Variants in CHPT1 observed in about 807,000 individuals in gnomAD.
CHPT1 encodes the protein choline phosphotransferase 1, also known as cholinephosphotransferase 1.
A neutral mutation model predicts 47.6 loss-of-function variants in CHPT1; 36 were observed. That is an observed-to-expected ratio of 0.76 (90% CI 0.58 to 1.00). CHPT1 has a LOEUF of 1.00. Among genes scored for constraint, CHPT1 ranks in the 50% least tolerant of loss-of-function variants. The pLI is 0.00. For synonymous variants in CHPT1, 194 were observed against 186.3 expected, an observed-to-expected ratio of 1.04 and a Z score of -0.33; for missense variants, 458 against 498.1, an observed-to-expected ratio of 0.92 and a Z score of 0.77.
intron 1 of CHPT1, among the ~76,000 whole-genome samples, chr12:101,699,680 C>T (rs906356857): frequency 6.6e-6 from 1 of 152,162 alleles, no homozygotes; most frequent in Admixed American, 6.5e-5. Flanking sequence ...TGAGCCACTG[C>T]GCCAGGCTTA....
chr12:101,714,775 T>C, intron 3 of CHPT1, 130 bp downstream of exon 3: 1 of 834,264 alleles, frequency 1.2e-6, no homozygotes, highest in Non-Finnish European at 1.7e-6. Context: ...GTCGGAGTAC[T>C]CATAAATGCT....
At chr12:101,714,005 T>C in intron 1 of CHPT1, 85 bp from the exon 2 acceptor site, 1 of 803,566 alleles carries the variant, frequency 1.2e-6, no homozygotes, top group East Asian at 2.6e-5. Flanking sequence ...CACGGGGTGC[T>C]ACAAAGTGTG....
At chr12:101,700,948 A>G (rs10860774) in intron 1 of CHPT1, among the ~76,000 whole-genome samples, 96,434 of 152,046 alleles carry the variant, frequency 0.63, 31,645 homozygotes, top group East Asian at 0.9. Flanking sequence ...TTCCAGAAAG[A>G]GTCAGCAAAA....
intron 8 of CHPT1, chr12:101,727,606 T>C (rs1951990892): frequency 6.6e-6 from 1 of 152,084 alleles, no homozygotes; most frequent in Non-Finnish European, 1.5e-5. Flanking sequence ...AAAAACATAC[T>C]TATGGGAATT....
intron 1 of CHPT1, among the ~76,000 whole-genome samples, chr12:101,702,880 C>G (rs1050217789): frequency 9.9e-5 from 15 of 151,964 alleles, no homozygotes; most frequent in African/African-American, 3.4e-4. Flanking sequence ...TTTAAGGAGG[C>G]CTTTGCAGGA....
intron 1 of CHPT1, among the ~76,000 whole-genome samples, chr12:101,707,337 T>C (rs577984791): frequency 6.6e-6 from 1 of 152,340 alleles, no homozygotes; most frequent in Admixed American, 6.5e-5. Flanking sequence ...AGAGTTATGC[T>C]GCAAAGAGAC....
intron 4 of CHPT1, chr12:101,719,802 A>G: frequency 4.3e-6 from 1 of 232,742 alleles, no homozygotes; most frequent in Non-Finnish European, 8.5e-6. Context: ...AAAAAAAGTC[A>G]CTTTAGGCTG....
At chr12:101,706,089 T>A (rs1334031883) in intron 1 of CHPT1, among the ~76,000 whole-genome samples, 1 of 151,952 alleles carries the variant, frequency 6.6e-6, no homozygotes, top group Non-Finnish European at 1.5e-5. Flanking sequence ...CGGTGACTCA[T>A]GCCTGTAATC....
chr12:101,713,546 C>T (rs1951723022), intron 1 of CHPT1, among the ~76,000 whole-genome samples: 1 of 152,156 alleles, frequency 6.6e-6, no homozygotes. Flanking sequence ...CTGGAGCAGT[C>T]GCAGGGCTCA....
At chr12:101,709,928 T>C (rs1951684114) in intron 1 of CHPT1, among the ~76,000 whole-genome samples, 1 of 149,024 alleles carries the variant, frequency 6.7e-6, no homozygotes, top group Non-Finnish European at 1.5e-5. Flanking sequence ...CCAGCCTAAG[T>C]GCTTGCCTTG....
At chr12:101,717,423 C>A (rs1477668264) in intron 4 of CHPT1, 1 of 384,014 alleles carries the variant, frequency 2.6e-6, no homozygotes, top group African/African-American at 2.1e-5. Flanking sequence ...CTAACTGACT[C>A]ACACTTTCTG....
chr12:101,697,905 G>C lies in CHPT1; in HGVS notation c.44G>C (p.Arg15Thr). The change falls in exon 1 of 9, where the codon AGG (arginine) becomes ACG (threonine). Residue 15 changes from arginine to threonine, a missense_variant. Physicochemically the swap from Arg to Thr is moderately conservative, Grantham distance 71 (BLOSUM62 -1). Transcript: ENST00000229266. ...GCCGGGTCCGCGCCGCGCTGGCTGA[G>C]GGCGCTGAGCGAGCCGCTGAGCGCG... The part of the protein sequence containing the change: ...AGAGSAPRWL[R>T]ALSEPLSAAQ... 1 of 1,353,960 alleles carries C rather than the reference G, an allele frequency of 7.4e-7. No homozygotes were observed. Among genetic ancestry groups the C allele is most frequent in the Non-Finnish European group, 9.5e-7 (1 of 1,054,200 alleles). 83.9% of individuals were successfully genotyped at this position (1,353,960 alleles called of 1,614,324 possible).
intron 1 of CHPT1, among the ~76,000 whole-genome samples, chr12:101,704,686 C>T (rs530016571): frequency 1.7e-4 from 23 of 138,974 alleles, no homozygotes; most frequent in Non-Finnish European, 3.2e-4. Flanking sequence ...CAGGCATGAG[C>T]CACCGCACCT....
chr12:101,702,678 G>A (rs1951571170), intron 1 of CHPT1, among the ~76,000 whole-genome samples: 1 of 151,880 alleles, frequency 6.6e-6, no homozygotes, highest in South Asian at 2.1e-4. Context: ...TTGAGATCTA[G>A]TATATTTCCT....
intron 8 of CHPT1, chr12:101,726,631 A>G (rs1057387035): frequency 4.8e-5 from 26 of 540,110 alleles, no homozygotes; most frequent in South Asian, 2.5e-4. Flanking sequence ...AATTGTCTAC[A>G]TATTAATTAG....
intron 6 of CHPT1, 40 bp from the exon 7 acceptor site, chr12:101,723,682 A>T: frequency 8.0e-7 from 1 of 1,242,596 alleles, no homozygotes; most frequent in South Asian, 1.4e-5. Context: ...AACACATTTA[A>T]AACTTAATAG....
At chr12:101,698,510 C>T (rs1190469645) in intron 1 of CHPT1, among the ~76,000 whole-genome samples, 1 of 152,252 alleles carries the variant, frequency 6.6e-6, no homozygotes, top group African/African-American at 2.4e-5. Flanking sequence ...GGGGACTGAA[C>T]ACCCCCATCT....
intron 7 of CHPT1, 151 bp downstream of exon 7, chr12:101,723,998 T>C: frequency 1.8e-6 from 1 of 565,122 alleles, no homozygotes; most frequent in Non-Finnish European, 3.0e-6. Flanking sequence ...GGACGGATCA[T>C]TTGAGGTCAA....
At position 101,726,384 on chromosome 12, in the gene CHPT1, T is replaced by A. The variant is rs150107260; in HGVS notation, c.1156T>A (p.Cys386Ser). 1.8e-5 allele frequency: 29 copies of A among 1,612,854 alleles called. No homozygotes were observed. Among genetic ancestry groups the A allele is most frequent in the South Asian group, 3.3e-5 (3 of 91,046 alleles). Residue 386 changes from cysteine to serine, a missense_variant, in exon 8 of 9, where the codon TGT becomes AGT. Cys to Ser is a moderately radical substitution (Grantham distance 112). Transcript: ENST00000229266. ...HLHLNIFKTACHQAPEQVQVL... is the reference protein window; with the variant it reads ...HLHLNIFKTASHQAPEQVQVL... ...TCATCTAAATATATTCAAGACTGCATGTCATCAAGCACCTGAACAGGTTCA... is the reference window on the plus strand; with the variant it reads ...TCATCTAAATATATTCAAGACTGCAAGTCATCAAGCACCTGAACAGGTTCA...
Sources: gnomAD v4.1 joint callset for allele counts (sites outside exome capture counted in the v4.1 genomes callset) on GRCh38, gnomAD v4.1.1 for gene constraint, MANE v1.5 for transcripts, NCBI Gene and HGNC (gene_info 2026-07-23, HGNC 2026-07-21) for gene names.